The following RBFOX1 variants were observed in gnomAD, a reference collection of about 807,000 sequenced individuals.
RBFOX1 encodes the protein RNA binding fox-1 homolog 1, also known as RNA binding protein fox-1 homolog 1.
RBFOX1 carries 8 observed loss-of-function variants against 57.7 expected under a neutral mutation model. The ratio of observed to expected loss-of-function variants is 0.14; its 90% confidence interval spans 0.08 to 0.25. RBFOX1 has a LOEUF of 0.25. RBFOX1 is among the 10% of genes least tolerant of loss of function. The pLI, the probability that RBFOX1 is intolerant of heterozygous loss-of-function variation, is 1.00. For synonymous variants in RBFOX1, 326 were observed against 222.4 expected (o/e 1.47, Z -4.15); for missense variants, 611 against 548.5 (o/e 1.11, Z -1.14).
intron 3 of RBFOX1, among the ~76,000 whole-genome samples, chr16:5,646,637 TA>T (rs747144075): frequency 3.3e-5 from 5 of 151,946 alleles, no homozygotes; most frequent in Non-Finnish European, 7.4e-5. Context: ...AAGACCCTCT[TA>T]TTTTTTATTT....
At chr16:6,100,930 A>G (rs747951733) in intron 1 of RBFOX1, among the ~76,000 whole-genome samples, 5 of 152,124 alleles carry the variant, frequency 3.3e-5, no homozygotes, top group Non-Finnish European at 5.9e-5. Flanking sequence ...TGTGTGGCCA[A>G]TCTTCCCTAC....
At chr16:7,313,475 CTT>C (rs5815390) in intron 4 of RBFOX1, among the ~76,000 whole-genome samples, 2 of 144,276 alleles carry the variant, frequency 1.4e-5, no homozygotes, top group African/African-American at 2.6e-5. Flanking sequence ...CTTTTCTTGT[CTT>C]TTTTTTTTTA....
chr16:7,254,908 C>A (rs1371144275), intron 4 of RBFOX1, among the ~76,000 whole-genome samples: 1 of 152,120 alleles, frequency 6.6e-6, no homozygotes, highest in South Asian at 2.1e-4. Flanking sequence ...TTTGTACCAT[C>A]ATTTCTCTAG....
chr16:6,281,071 A>G (rs1480790910), intron 1 of RBFOX1, among the ~76,000 whole-genome samples: 2 of 150,356 alleles, frequency 1.3e-5, no homozygotes, highest in South Asian at 2.1e-4. Flanking sequence ...GAGATGTTAG[A>G]CTGAGCACCC....
chr16:6,895,488 TTA>T (rs1364635646), intron 3 of RBFOX1, among the ~76,000 whole-genome samples: 9 of 65,668 alleles, frequency 1.4e-4, no homozygotes, highest in South Asian at 6.6e-4. Context: ...ATATATATAT[TTA>T]TTCCCCTATT....
chr16:7,185,783 C>G (rs570085280), intron 4 of RBFOX1, among the ~76,000 whole-genome samples: 3 of 152,186 alleles, frequency 2.0e-5, no homozygotes, highest in African/African-American at 4.8e-5. Context: ...AGTCTTTACA[C>G]TGGCATATGA....
Position 6,295,099 on chromosome 16 carries a change from G to GTTT in RBFOX1, c.-126-21871_-126-21869dup, listed in dbSNP as rs563055676. Among the ~76,000 whole-genome samples, 6 of 96,006 alleles carry GTTT rather than the reference G, an allele frequency of 6.2e-5. 1 individual carries two copies. Among genetic ancestry groups the GTTT allele is most frequent in the African/African-American group, 2.6e-4 (6 of 23,458 alleles). 63.0% of individuals were successfully genotyped at this position (96,006 alleles called of 152,430 possible). A position where few individuals can be genotyped will look rare whatever the true frequency, so the allele number is the denominator to read the frequency against. On this transcript the variant is annotated intron_variant, in intron 1 of 15. Coordinates refer to ENST00000550418, the MANE Select transcript of RBFOX1 (RefSeq NM_018723.4). ...CTGGCAAAGAGCTCTTAAGCAGTGA[G>GTTT]TTTTTTTTTTTTTTTTTTTTTTTTT...
chr16:5,378,747 C>T (rs2066055270), intron 1 of RBFOX1, among the ~76,000 whole-genome samples: 1 of 151,538 alleles, frequency 6.6e-6, no homozygotes, highest in Admixed American at 6.6e-5. Context: ...TCAGTTTTGT[C>T]ATCTGTAAAA....
chr16:6,780,195 A>G (rs1603621777), intron 3 of RBFOX1, among the ~76,000 whole-genome samples: 1 of 35,522 alleles, frequency 2.8e-5, no homozygotes, highest in Non-Finnish European at 3.8e-5. Flanking sequence ...ATATATTTAT[A>G]TATTTTTATA....
chr16:7,612,295 TG>T (rs1179812757), intron 10 of RBFOX1, among the ~76,000 whole-genome samples: 1 of 119,176 alleles, frequency 8.4e-6, no homozygotes, highest in African/African-American at 3.4e-5. Context: ...CACTCCAGCC[TG>T]GGTAACAGAG....
chr16:5,939,915 TG>T (rs2059246578), intron 4 of RBFOX1, among the ~76,000 whole-genome samples: 1 of 152,166 alleles, frequency 6.6e-6, no homozygotes, highest in Admixed American at 6.5e-5. Flanking sequence ...CAAGCAGACT[TG>T]GGGTAGAATC....
chr16:7,095,802 G>A (rs1001993735), intron 4 of RBFOX1, among the ~76,000 whole-genome samples: 1 of 152,118 alleles, frequency 6.6e-6, no homozygotes, highest in Non-Finnish European at 1.5e-5. Flanking sequence ...CATGAGGTCA[G>A]GAGATCGAGA....
chr16:5,564,546 G>C (rs765345140), intron 2 of RBFOX1, among the ~76,000 whole-genome samples: 2 of 151,928 alleles, frequency 1.3e-5, no homozygotes, highest in African/African-American at 4.8e-5. Flanking sequence ...TTTCCCTTGC[G>C]GTCACTTAAA....
intron 1 of RBFOX1, among the ~76,000 whole-genome samples, chr16:5,389,399 T>G (rs1455940271): frequency 6.6e-6 from 1 of 152,152 alleles, no homozygotes; most frequent in Non-Finnish European, 1.5e-5. Flanking sequence ...TCATACGATG[T>G]TGAGCAGCAA....
Position 7,350,312 on chromosome 16 carries a change from A to C in RBFOX1, c.28-167835A>C, listed in dbSNP as rs576319434. Among the ~76,000 whole-genome samples the C allele has an allele frequency of 2.6e-5, 4 of 152,214 alleles. No homozygotes were observed. In the South Asian group the frequency reaches 8.3e-4, roughly 32 times the overall value. On this transcript the variant is annotated intron_variant, in intron 4 of 15. Transcript: ENST00000550418. ...GGGGAGGAAAAAAGCAAAAGTCCTGAGATGGAATGAAATGGGTATGTTTGA... is the reference window on the plus strand; with the variant it reads ...GGGGAGGAAAAAAGCAAAAGTCCTGCGATGGAATGAAATGGGTATGTTTGA...
intron 3 of RBFOX1, among the ~76,000 whole-genome samples, chr16:6,788,068 C>T (rs368096743): frequency 3.3e-5 from 5 of 151,956 alleles, no homozygotes; most frequent in Non-Finnish European, 7.4e-5. Flanking sequence ...ACTAAAAATA[C>T]AAAATTTGGC....
intron 1 of RBFOX1, among the ~76,000 whole-genome samples, chr16:6,140,442 C>T (rs556700214): frequency 2.0e-5 from 3 of 152,108 alleles, no homozygotes; most frequent in Non-Finnish European, 2.9e-5. Context: ...GTGATCCACC[C>T]ATCTTGGCCT....
chr16:7,534,641 T>C (rs1348136827), intron 5 of RBFOX1, among the ~76,000 whole-genome samples: 1 of 152,152 alleles, frequency 6.6e-6, no homozygotes, highest in Non-Finnish European at 1.5e-5. Flanking sequence ...GACAATTTTT[T>C]CACCAGGCTC....
intron 3 of RBFOX1, among the ~76,000 whole-genome samples, chr16:6,976,739 CATAT>C (rs1270949071): frequency 3.4e-5 from 5 of 144,938 alleles, no homozygotes; most frequent in South Asian, 4.3e-4. Context: ...ATGTATCATA[CATAT>C]ATATCATGTC....
Sources: gnomAD v4.1 joint callset for allele counts (sites outside exome capture counted in the v4.1 genomes callset) on GRCh38, gnomAD v4.1.1 for gene constraint, MANE v1.5 for transcripts, NCBI Gene and HGNC (gene_info 2026-07-23, HGNC 2026-07-21) for gene names.